CNTN1: variants seen among roughly 807,000 people sequenced by gnomAD.
CNTN1 encodes the protein contactin 1, also known as contactin-1.
CNTN1 carries 38 observed loss-of-function variants against 126.4 expected under a neutral mutation model. The ratio of observed to expected loss-of-function variants is 0.30; its 90% CI spans 0.23 to 0.39. CNTN1 has a LOEUF of 0.39. Among genes scored for constraint, CNTN1 ranks in the 10% least tolerant of loss-of-function variants. The pLI is 1.00. For synonymous variants in CNTN1, 413 were observed against 422.6 expected (o/e 0.98, Z 0.28); for missense variants, 1,009 against 1,248.4 (o/e 0.81, Z 2.89).
intron 14 of CNTN1, among the ~76,000 whole-genome samples, chr12:40,947,776 T>TAC (rs759644271): frequency 2.2e-5 from 2 of 89,620 alleles, no homozygotes; most frequent in Admixed American, 1.3e-4. Context: ...TATATATATA[T>TAC]ATATATACAC....
At chr12:41,055,996 G>A (rs1592471500) in intron 23 of CNTN1, among the ~76,000 whole-genome samples, 3 of 151,960 alleles carry the variant, frequency 2.0e-5, no homozygotes, top group Non-Finnish European at 4.4e-5. Context: ...GATTCCTCCC[G>A]GCTTGGATTA....
At chr12:40,901,447 T>C (rs552557049) in intron 1 of CNTN1, among the ~76,000 whole-genome samples, 1 of 152,286 alleles carries the variant, frequency 6.6e-6, no homozygotes, top group Non-Finnish European at 1.5e-5. Context: ...TCTATGGAAA[T>C]AGCTCAAGCA....
intron 23 of CNTN1, among the ~76,000 whole-genome samples, chr12:41,051,291 G>A (rs1247445772): frequency 1.3e-5 from 2 of 151,456 alleles, no homozygotes. Context: ...GGGACTACAG[G>A]TGCCCGCCAC....
rs1321108166 is a variant in CNTN1, at chr12:40,707,029, T to TGC, written c.-77+14448_-77+14449dup. Among the ~76,000 whole-genome samples the TGC allele has an allele frequency of 2.8e-3, 397 of 142,618 alleles. 3 individuals are homozygous for TGC. The highest frequency in any genetic ancestry group is 9.8e-3 in the African/African-American group (371 of 37,820). 93.6% of individuals were successfully genotyped at this position (142,618 alleles called of 152,430 possible). ...TCAACAAAACATACATATAAAGACG[T>TGC]GCGCGCGCGCGCTTGCGCACACACA... is the stretch of plus-strand genomic sequence containing the variant. On this transcript the variant is annotated intron_variant, in intron 1 of 23. Coordinates refer to ENST00000551295, the MANE Select transcript of CNTN1 (RefSeq NM_001843.4).
intron 1 of CNTN1, among the ~76,000 whole-genome samples, chr12:40,835,803 C>CAT (rs1172400644): frequency 2.0e-5 from 2 of 97,624 alleles, no homozygotes; most frequent in Non-Finnish European, 4.8e-5. Flanking sequence ...TATTTATACA[C>CAT]ACACACACAC....
At chr12:40,719,874 A>G (rs1215567881) in intron 1 of CNTN1, among the ~76,000 whole-genome samples, 3 of 151,786 alleles carry the variant, frequency 2.0e-5, no homozygotes, top group Non-Finnish European at 4.4e-5. Flanking sequence ...GTCTCGCTCT[A>G]TTGCCCAGGC....
intron 1 of CNTN1, among the ~76,000 whole-genome samples, chr12:40,773,676 CATATATATATATATAT>C (rs1320206131): frequency 5.2e-4 from 6 of 11,474 alleles, no homozygotes; most frequent in African/African-American, 8.0e-4. Flanking sequence ...TATATATACA[CATATATATATATATAT>C]ACACATATAT....
At chr12:40,701,970 C>A (rs1591987818) in intron 1 of CNTN1, among the ~76,000 whole-genome samples, 1 of 152,338 alleles carries the variant, frequency 6.6e-6, no homozygotes, top group Non-Finnish European at 1.5e-5. Context: ...ACCCCGCTTC[C>A]AGCCCCACTT....
Position 41,017,411 on chromosome 12 carries a change from G to A in CNTN1, c.2419+495G>A, listed in dbSNP as rs376191789. On this transcript the variant is annotated intron_variant, in intron 19 of 23. Transcript: ENST00000551295. The stretch of plus-strand genomic sequence containing the variant: ...AAAAAAAAAAAAAAATTTCTGTAAT[G>A]TATATATTATATATATTATTTGTAA... Among the ~76,000 whole-genome samples, 405 of 149,104 alleles carry A rather than the reference G, an allele frequency of 2.7e-3. 3 individuals are homozygous for A. In the South Asian group the frequency reaches 0.032, roughly 12 times the overall value.
chr12:40,924,794 G>A lies in CNTN1; in HGVS notation c.496+142G>A, dbSNP rs1420406699. On this transcript the variant is annotated intron_variant, in intron 6 of 23. Transcript: ENST00000551295. The stretch of plus-strand genomic sequence containing the variant: ...ACTGAATATTTGCATACCTTGTAAT[G>A]TGTCACTAATTGTTGTGGACACTTT... 4.5e-5 allele frequency: 28 copies of A among 625,188 alleles called. No individual in the cohort carries two copies. The East Asian group carries it at 8.3e-4, about 19-fold the overall frequency. The allele number at this position is 625,188 out of a possible 1,614,324, so 38.7% of individuals were successfully genotyped here.
chr12:41,031,526 C>T (rs1355095747), intron 23 of CNTN1, among the ~76,000 whole-genome samples: 1 of 152,060 alleles, frequency 6.6e-6, no homozygotes, highest in African/African-American at 2.4e-5. Flanking sequence ...ACATTTTTAA[C>T]ACATTGCTCA....
chr12:40,948,214 A>G (rs1208333614), intron 14 of CNTN1, among the ~76,000 whole-genome samples: 1 of 145,206 alleles, frequency 6.9e-6, no homozygotes, highest in Non-Finnish European at 1.5e-5. Flanking sequence ...ATCATCCCCC[A>G]TTGGAAATTC....
At chr12:40,870,461 C>T (rs1226664829) in intron 1 of CNTN1, among the ~76,000 whole-genome samples, 2 of 152,064 alleles carry the variant, frequency 1.3e-5, no homozygotes, top group Non-Finnish European at 2.9e-5. Context: ...TGGTATATAA[C>T]TCTAGCCATA....
chr12:40,747,595 C>T (rs1592042876), intron 1 of CNTN1, among the ~76,000 whole-genome samples: 2 of 151,968 alleles, frequency 1.3e-5, no homozygotes, highest in East Asian at 3.9e-4. Context: ...TTACCTAATA[C>T]TATTTGCACT....
intron 15 of CNTN1, among the ~76,000 whole-genome samples, chr12:40,970,684 A>G (rs1249067546): frequency 2.0e-5 from 3 of 152,164 alleles, no homozygotes; most frequent in African/African-American, 7.2e-5. Context: ...TTTCTATAAC[A>G]ATATTTCTGT....
chr12:40,877,963 T>C, intron 1 of CNTN1, among the ~76,000 whole-genome samples: 1 of 148,380 alleles, frequency 6.7e-6, no homozygotes, highest in East Asian at 2.0e-4. Context: ...ACCTCTTCCT[T>C]CCCCACCAAA....
intron 1 of CNTN1, among the ~76,000 whole-genome samples, chr12:40,892,362 A>G (rs545161481): frequency 3.8e-4 from 58 of 152,250 alleles, no homozygotes; most frequent in African/African-American, 1.4e-3. Flanking sequence ...TTCGTAAAAT[A>G]ATATGTGTAT....
chr12:40,792,107 T>G (rs962696114), intron 1 of CNTN1, among the ~76,000 whole-genome samples: 2 of 152,116 alleles, frequency 1.3e-5, no homozygotes, highest in Non-Finnish European at 2.9e-5. Flanking sequence ...TTTGGAGCAC[T>G]GATCATGCAG....
intron 17 of CNTN1, among the ~76,000 whole-genome samples, chr12:41,006,670 C>T (rs1227274794): frequency 1.3e-5 from 2 of 152,214 alleles, no homozygotes; most frequent in Non-Finnish European, 2.9e-5. Flanking sequence ...AAAAGGATAC[C>T]TTGCTTTCAG....
Sources: allele counts gnomAD v4.1 joint callset (sites outside exome capture counted in the v4.1 genomes callset), GRCh38; gene constraint gnomAD v4.1.1; transcripts MANE v1.5; gene names NCBI Gene and HGNC (gene_info 2026-07-23, HGNC 2026-07-21).